Variants in WDR17 observed in about 807,000 individuals in gnomAD.
WDR17 encodes WD repeat-containing protein 17.
WDR17 carries 143 observed loss-of-function variants against 161.7 expected under a neutral mutation model. The observed-to-expected ratio is 0.88, with a 90% CI of 0.77 to 1.02. WDR17 has a LOEUF of 1.02. Ranked by LOEUF, WDR17 falls within the 50% of genes least tolerant of loss-of-function variation. The probability of loss-of-function intolerance (pLI) is 0.00; values close to 1 mark genes in which losing one functional copy is unlikely to be tolerated. For missense variants in WDR17, 1,469 were observed against 1,520.9 expected, an observed-to-expected ratio of 0.97 and a Z score of 0.57; for synonymous variants, 517 against 515.6, an observed-to-expected ratio of 1.00 and a Z score of -0.04.
rs1046805693 is a variant in WDR17 at position 176,065,937 on chromosome 4, C to G, written c.-149C>G. On this transcript the variant is annotated 5_prime_UTR_variant, in exon 1 of 29. Transcript: ENST00000508596. ...TCCCGCCCCTCGGAGCCCGCGGGCC[C>G]GGCCGCCCCGCCCCCGGGCGCCCTG... The G allele has an allele frequency of 6.6e-6, 1 of 152,044 alleles. No homozygotes were observed. Among genetic ancestry groups the G allele is most frequent in the Non-Finnish European group, 1.5e-5 (1 of 68,000 alleles). The allele number at this position is 152,044 out of a possible 1,614,324, so 9.4% of individuals were successfully genotyped here.
intron 11 of WDR17, among the ~76,000 whole-genome samples, chr4:176,145,355 A>G (rs1223749730): frequency 6.6e-6 from 1 of 152,232 alleles, no homozygotes; most frequent in Non-Finnish European, 1.5e-5. Context: ...AAAGAACATT[A>G]AAAGATCAAA....
At chr4:176,134,997 T>C in intron 7 of WDR17, 111 bp from the exon 8 acceptor site, 1 of 1,073,312 alleles carries the variant, frequency 9.3e-7, no homozygotes. Flanking sequence ...ATTTTTGCAT[T>C]AATATTTGGA....
At chr4:176,118,910 G>A (rs530298906) in intron 3 of WDR17, among the ~76,000 whole-genome samples, 6 of 152,024 alleles carry the variant, frequency 3.9e-5, no homozygotes, top group African/African-American at 9.6e-5. Context: ...GCAGTGAGCC[G>A]AGATTGCATC....
At chr4:176,111,176 A>G (rs1739671318) in intron 1 of WDR17, 1 of 153,004 alleles carries the variant, frequency 6.5e-6, no homozygotes, top group Non-Finnish European at 1.5e-5. Flanking sequence ...GATACATTTC[A>G]CATAAAAATC....
At chr4:176,071,073 G>A (rs1381589975) in intron 1 of WDR17, among the ~76,000 whole-genome samples, 7 of 151,350 alleles carry the variant, frequency 4.6e-5, no homozygotes, top group African/African-American at 1.7e-4. Flanking sequence ...TAGAAGGGGA[G>A]CGAGGGTCCT....
chr4:176,078,674 T>C (rs1294602916), intron 1 of WDR17, among the ~76,000 whole-genome samples: 1 of 152,128 alleles, frequency 6.6e-6, no homozygotes, highest in African/African-American at 2.4e-5. Context: ...ATTAAAATTA[T>C]ATTTTGCTGC....
chr4:176,168,905 C>A, intron 23 of WDR17, 122 bp downstream of exon 23: 1 of 1,041,178 alleles, frequency 9.6e-7, no homozygotes, highest in Non-Finnish European at 1.4e-6. Context: ...GGGGTACCTA[C>A]AAGTACAACA....
chr4:176,179,362 ATG>A, intron 28 of WDR17, 96 bp from the exon 29 acceptor site: 2 of 1,242,770 alleles, frequency 1.6e-6, no homozygotes, highest in Non-Finnish European at 2.1e-6. Flanking sequence ...CCTAAATATT[ATG>A]TTTTTTTTTA....
In WDR17 at chr4:176,139,952, A is replaced by G. The variant is rs1213421040; in HGVS notation, c.1420A>G (p.Thr474Ala). 6.2e-6 allele frequency: 10 copies of G among 1,611,912 alleles called. No homozygotes were observed. Among genetic ancestry groups the G allele is most frequent in the Admixed American group, 3.3e-5 (2 of 59,886 alleles). Residue 474 changes from threonine (T) to alanine (A), a missense_variant, in exon 10 of 29, where the codon ACC (threonine) becomes GCC (alanine). Physicochemically the swap from Thr to Ala is moderately conservative, Grantham distance 58. Coordinates refer to ENST00000508596, the MANE Select transcript of WDR17 (RefSeq NM_181265.4). ...WSHKDSKRIA[T>A]CSSDGFCIIR... ...TCATAAAGATTCTAAAAGAATAGCA[A>G]CCTGCAGCAGTGATGGTTTCTGGTA...
rs373051051 is a variant in WDR17 at position 176,177,102 on chromosome 4, A to C, written c.3494A>C (p.Glu1165Ala). The change falls in exon 27 of 29, where the codon GAA (glutamate) becomes GCA (alanine). Residue 1165 changes from glutamate (E) to alanine (A), a missense_variant. Transcript: ENST00000508596. ...RREVSVPLKI[E>A]YLSEELDAWR... ...GAGGTGTCAGTACCTTTAAAAATTG[A>C]ATATCTTTCTGAGGAATTGGATGCA... is the stretch of plus-strand genomic sequence containing the variant. 1 of 1,613,788 alleles carries C rather than the reference A, an allele frequency of 6.2e-7. No homozygotes were observed. The highest frequency in any genetic ancestry group is 1.3e-5 in the African/African-American group (1 of 74,906).
chr4:176,089,655 G>A (rs1381381310), intron 1 of WDR17, among the ~76,000 whole-genome samples: 1 of 152,148 alleles, frequency 6.6e-6, no homozygotes, highest in African/African-American at 2.4e-5. Flanking sequence ...TGAGTGCCGA[G>A]TGTAGTATAT....
intron 3 of WDR17, 105 bp downstream of exon 3, chr4:176,116,084 T>TA: frequency 1.4e-5 from 16 of 1,133,558 alleles, no homozygotes; most frequent in Non-Finnish European, 2.0e-5. Flanking sequence ...TTCAAACTTC[T>TA]TAATGGTAAT....
intron 11 of WDR17, among the ~76,000 whole-genome samples, chr4:176,142,970 C>T (rs564403551): frequency 2.6e-5 from 4 of 152,158 alleles, no homozygotes; most frequent in Non-Finnish European, 4.4e-5. Context: ...ACCTCCGCCT[C>T]CCGGGTTCAA....
chr4:176,076,761 G>A (rs1734097295), intron 1 of WDR17, among the ~76,000 whole-genome samples: 1 of 151,520 alleles, frequency 6.6e-6, no homozygotes, highest in Non-Finnish European at 1.5e-5. Context: ...CTGATAGTAT[G>A]TTCATTCCTA....
chr4:176,128,581 G>C (rs917379554), intron 5 of WDR17, among the ~76,000 whole-genome samples, 157 bp from the exon 6 acceptor site: 10 of 152,110 alleles, frequency 6.6e-5, no homozygotes, highest in Admixed American at 5.9e-4. Context: ...TAGTATTTCG[G>C]TTGTTAGGTT....
intron 10 of WDR17, among the ~76,000 whole-genome samples, 183 bp from the exon 11 acceptor site, chr4:176,141,798 TAA>T (rs1331941007): frequency 1.3e-5 from 2 of 152,226 alleles, no homozygotes; most frequent in Non-Finnish European, 1.5e-5. Flanking sequence ...TAATTAATAT[TAA>T]GAGTTGCAAA....
intron 10 of WDR17, among the ~76,000 whole-genome samples, chr4:176,140,577 C>G (rs376650599): frequency 6.6e-6 from 1 of 152,078 alleles, no homozygotes; most frequent in East Asian, 1.9e-4. Flanking sequence ...GTTTAAAAAA[C>G]TTTTTAAAAT....
intron 1 of WDR17, among the ~76,000 whole-genome samples, chr4:176,110,504 C>A (rs566284553): frequency 6.6e-6 from 1 of 152,250 alleles, no homozygotes; most frequent in African/African-American, 2.4e-5. Flanking sequence ...CTTTAAAAGG[C>A]ATTTTTTGTC....
Position 176,160,128 on chromosome 4 carries a change from TA to T in WDR17, c.2658+6del, listed in dbSNP as rs1232744632. Reference sequence around the variant, plus strand: ...AAAGAAGCTCTGCTTGTTGCACAGGTAAAACCACAGAACTACCCCAGTCACA... The same window carrying T: ...AAAGAAGCTCTGCTTGTTGCACAGGTAAACCACAGAACTACCCCAGTCACA... On this transcript the variant is annotated splice_donor_region_variant and intron_variant, in intron 19 of 28. Transcript: ENST00000508596. The T allele has an allele frequency of 1.9e-6, 3 of 1,613,078 alleles. No individual in the cohort carries two copies. The highest frequency in any genetic ancestry group is 1.7e-6 in the Non-Finnish European group (2 of 1,179,488).
Sources: gnomAD v4.1 joint callset for allele counts (sites outside exome capture counted in the v4.1 genomes callset) on GRCh38, gnomAD v4.1.1 for gene constraint, MANE v1.5 for transcripts, NCBI Gene and HGNC (gene_info 2026-07-23, HGNC 2026-07-21) for gene names.